UNC79: variants seen among roughly 807,000 people sequenced by gnomAD.
UNC79 encodes protein unc-79 homolog.
In UNC79, 37 loss-of-function variants were observed where a neutral mutation model predicts 283.1. The ratio of observed to expected loss-of-function variants is 0.13; its 90% CI spans 0.10 to 0.17. The LOEUF (loss-of-function observed/expected upper bound fraction) is 0.17, where lower values mean the gene tolerates loss of function less well. UNC79 is among the 10% of genes least tolerant of loss of function. UNC79 has a pLI of 1.00. For synonymous variants in UNC79, 1,107 were observed against 1,200.2 expected, an observed-to-expected ratio of 0.92 and a Z score of 1.61; for missense variants, 2,272 against 3,211.1, an observed-to-expected ratio of 0.71 and a Z score of 7.07.
chr14:93,532,922 C>T (rs1359286088), intron 11 of UNC79, among the ~76,000 whole-genome samples: 1 of 151,926 alleles, frequency 6.6e-6, no homozygotes, highest in Admixed American at 6.6e-5. Context: ...ATCTTGTATG[C>T]TAGAAATCTC....
chr14:93,665,371 T>A (rs997159442), intron 40 of UNC79, among the ~76,000 whole-genome samples: 4 of 151,558 alleles, frequency 2.6e-5, no homozygotes, highest in African/African-American at 9.7e-5. Context: ...GGAAAATAGA[T>A]GAGAAGAAAT....
intron 4 of UNC79, 89 bp from the exon 5 acceptor site, chr14:93,487,574 A>T: frequency 9.6e-7 from 1 of 1,043,812 alleles, no homozygotes. Flanking sequence ...TTTTTTTTTA[A>T]AGTTCCTTCT....
rs746566095 is a variant in UNC79 at position 93,618,329 on chromosome 14, A to G, written c.4362A>G (p.Ile1454Met). 3.7e-6 allele frequency: 6 copies of G among 1,613,152 alleles called. No individual in the cohort carries two copies. In the East Asian group the frequency reaches 8.9e-5, roughly 24 times the overall value. The change falls in exon 29 of 49, where the codon ATA (isoleucine) becomes ATG (methionine). Residue 1454 changes from isoleucine (I) to methionine (M), a missense_variant. Around this residue, in one of 11 missense-constraint regions of UNC79, gnomAD observed 580 missense variants for 632.2 expected, o/e 0.92. Transcript: ENST00000555664. ...CTTTGTACAGTGACAACAGTAACATAAGCAGATACAGCGAAAAAGAAAAAG... is the reference window on the plus strand; with the variant it reads ...CTTTGTACAGTGACAACAGTAACATGAGCAGATACAGCGAAAAAGAAAAAG...
chr14:93,644,336 C>G (rs866484564), intron 34 of UNC79, among the ~76,000 whole-genome samples: 4 of 152,300 alleles, frequency 2.6e-5, no homozygotes, highest in African/African-American at 7.2e-5. Flanking sequence ...GAAGAAAGCT[C>G]AAATTCAATA....
chr14:93,656,572 T>C (rs958626582), intron 38 of UNC79, among the ~76,000 whole-genome samples: 4 of 152,314 alleles, frequency 2.6e-5, no homozygotes, highest in Middle Eastern at 6.8e-3. Flanking sequence ...GCTCATTGTT[T>C]GAGCCCAGGA....
At chr14:93,538,200 C>T (rs372496746) in exon 12 of UNC79, 1 of 1,597,530 alleles carries the variant, frequency 6.3e-7, no homozygotes, top group Admixed American at 1.7e-5. Flanking sequence ...CTGGTCTGCG[C>T]CGTGGAAGCC....
At chr14:93,404,108 C>T (rs2055166805) in intron 1 of UNC79, among the ~76,000 whole-genome samples, 2 of 151,984 alleles carry the variant, frequency 1.3e-5, no homozygotes, top group African/African-American at 4.8e-5. Context: ...TGATAAAATG[C>T]ATTGGTAAAT....
At chr14:93,539,318 CGA>C (rs2061258126) in intron 12 of UNC79, among the ~76,000 whole-genome samples, 1 of 149,670 alleles carries the variant, frequency 6.7e-6, no homozygotes, top group East Asian at 2.0e-4. Context: ...GTCAGGATTT[CGA>C]GACCAGCCTG....
At chr14:93,431,988 G>T (rs896753741) in intron 1 of UNC79, among the ~76,000 whole-genome samples, 1 of 152,238 alleles carries the variant, frequency 6.6e-6, no homozygotes, top group Non-Finnish European at 1.5e-5. Flanking sequence ...TTATTAAGCA[G>T]TAAGTTTGAA....
At chr14:93,540,572 G>A (rs1567077579) in intron 12 of UNC79, 88 bp from the exon 13 acceptor site, 6 of 1,444,008 alleles carry the variant, frequency 4.2e-6, no homozygotes, top group Non-Finnish European at 3.7e-6. Context: ...GGATGCTTGA[G>A]TACTCGTGAG....
At chr14:93,631,751 A>G (rs1230369144) in intron 31 of UNC79, among the ~76,000 whole-genome samples, 2 of 152,244 alleles carry the variant, frequency 1.3e-5, no homozygotes, top group Non-Finnish European at 2.9e-5. Flanking sequence ...GTAGTTTGGA[A>G]CATCATCATC....
At chr14:93,350,863 CTAAAA>C (rs2053968751) in intron 1 of UNC79, among the ~76,000 whole-genome samples, 5 of 152,166 alleles carry the variant, frequency 3.3e-5, no homozygotes, top group Admixed American at 3.3e-4. Flanking sequence ...TGGCCTAATA[CTAAAA>C]TGTTTTATCT....
intron 7 of UNC79, among the ~76,000 whole-genome samples, chr14:93,509,708 C>T (rs1452658504): frequency 2.6e-5 from 4 of 152,196 alleles, no homozygotes; most frequent in Middle Eastern, 3.4e-3. Context: ...CAGCTCTGCC[C>T]CTGTGGTTCT....
chr14:93,416,789 C>G (rs2055469812), intron 1 of UNC79, among the ~76,000 whole-genome samples: 1 of 152,060 alleles, frequency 6.6e-6, no homozygotes, highest in African/African-American at 2.4e-5. Flanking sequence ...CCTTCTTTGT[C>G]TCTTTTGATC....
chr14:93,572,179 A>G (rs1044772820), intron 15 of UNC79, 95 bp downstream of exon 15: 18 of 1,297,114 alleles, frequency 1.4e-5, no homozygotes, highest in Non-Finnish European at 1.8e-5. Flanking sequence ...TAAGCGTTTT[A>G]TATAATCTCA....
intron 7 of UNC79, among the ~76,000 whole-genome samples, chr14:93,519,617 C>T (rs766373104): frequency 1.3e-5 from 2 of 151,610 alleles, no homozygotes; most frequent in Non-Finnish European, 3.0e-5. Context: ...ATATTTGTCC[C>T]ATCTGTTCCT....
At chr14:93,696,462 C>G (rs1191673461) in intron 47 of UNC79, among the ~76,000 whole-genome samples, 2 of 152,170 alleles carry the variant, frequency 1.3e-5, no homozygotes, top group Non-Finnish European at 2.9e-5. Flanking sequence ...CCAGTTCCCC[C>G]ACATCTTTGT....
chr14:93,558,554 T>TA (rs563152046), intron 14 of UNC79, among the ~76,000 whole-genome samples: 3,771 of 126,356 alleles, frequency 0.03, 145 homozygotes, highest in African/African-American at 0.087. Context: ...AGACTCCATT[T>TA]AAAAAAAAAA....
At chr14:93,618,580 A>G (rs2066900764) in intron 29 of UNC79, among the ~76,000 whole-genome samples, 2 of 152,214 alleles carry the variant, frequency 1.3e-5, no homozygotes, top group Non-Finnish European at 2.9e-5. Context: ...ATAAGAAATA[A>G]TATTTTGTAA....
Sources: gnomAD v4.1 joint callset for allele counts (sites outside exome capture counted in the v4.1 genomes callset) on GRCh38, gnomAD v4.1.1 for gene constraint, gnomAD v4.1.1 regional missense constraint, MANE v1.5 for transcripts, NCBI Gene and HGNC (gene_info 2026-07-23, HGNC 2026-07-21) for gene names.